The following CHST6 variants were observed in gnomAD, a reference collection of about 807,000 sequenced individuals.
CHST6 encodes carbohydrate sulfotransferase 6.
For missense variants in CHST6, 698 were observed against 586.2 expected, an observed-to-expected ratio of 1.19 and a Z score of -1.97; for synonymous variants, 309 against 276.4, an observed-to-expected ratio of 1.12 and a Z score of -1.17.
chr16:75,490,199 C>CAA (rs2080240509), intron 1 of CHST6, among the ~76,000 whole-genome samples: 1 of 127,898 alleles, frequency 7.8e-6, no homozygotes, highest in Non-Finnish European at 1.5e-5. Flanking sequence ...AAAAAAAAGG[C>CAA]CGGGCACAGT....
chr16:75,490,559 CA>C (rs2080243604), intron 1 of CHST6: 1 of 152,106 alleles, frequency 6.6e-6, no homozygotes, highest in South Asian at 2.1e-4. Flanking sequence ...ACTTTCCATC[CA>C]CCAAGAAGGT....
rs1473968096 is a variant in CHST6 at position 75,479,071 on chromosome 16, G to A, written c.758C>T (p.Ala253Val). The stretch of plus-strand genomic sequence containing the variant: ...TGGCGGCTTGAGTGTGGCGGCCTCG[G>A]CGATGCGTACGTGGCTACGGCACAC... ...REVCRSHVRIAEAATLKPPPF... is the reference protein window; with the variant it reads ...REVCRSHVRIVEAATLKPPPF... Residue 253 changes from alanine (A) to valine (V), a missense_variant, in exon 3 of 3, where the codon GCC (alanine) becomes GTC (valine). Physicochemically the swap from Ala to Val is moderately conservative, Grantham distance 64. Transcript: ENST00000332272. 6.2e-7 allele frequency: 1 copy of A among 1,606,274 alleles called. No homozygotes were observed. Among genetic ancestry groups the A allele is most frequent in the Admixed American group, 1.7e-5 (1 of 59,974 alleles).
rs773368457 is a variant in CHST6 at position 75,478,818 on chromosome 16, C to T, written c.1011G>A (p.Leu337=). 12 of 1,613,442 alleles carry T rather than the reference C, an allele frequency of 7.4e-6. No individual in the cohort carries two copies. The highest frequency in any genetic ancestry group is 1.0e-5 in the Non-Finnish European group (12 of 1,179,976). The change falls in exon 3 of 3, where the codon CTG becomes CTA. Residue 337 remains leucine, a synonymous_variant. Coordinates refer to ENST00000332272, the MANE Select transcript of CHST6 (RefSeq NM_021615.5). ...GCACGCGGCGGATCTTGGCAAAGGG[C>T]AGCGCATGGCGCCAGGCCTGGGAGA... ...LNVSQAWRHA[L]PFAKIRRVQE...
At position 75,495,321 on chromosome 16, in the gene CHST6, G is replaced by C. The variant is rs1337564773; in HGVS notation, c.-473C>G. 7 of 152,534 alleles carry C rather than the reference G, an allele frequency of 4.6e-5. No homozygotes were observed. Among genetic ancestry groups the C allele is most frequent in the Non-Finnish European group, 8.8e-5 (6 of 68,324 alleles). The allele number at this position is 152,534 out of a possible 1,614,324, so 9.4% of individuals were successfully genotyped here. On this transcript the variant is annotated 5_prime_UTR_variant, in exon 1 of 3. Coordinates refer to ENST00000332272, the MANE Select transcript of CHST6 (RefSeq NM_021615.5). ...CGGCGCAGAGCTCCCTCTGGAACCC[G>C]GCACTGCGGCCCGCGCCCTCTACTC...
intron 2 of CHST6, among the ~76,000 whole-genome samples, chr16:75,480,885 G>A (rs1342654401): frequency 9.0e-5 from 13 of 144,662 alleles, no homozygotes; most frequent in African/African-American, 7.9e-5. Flanking sequence ...AGACGAGATC[G>A]CGCCATTGCA....
At chr16:75,486,359 T>C (rs1436155290) in intron 1 of CHST6, among the ~76,000 whole-genome samples, 1 of 152,170 alleles carries the variant, frequency 6.6e-6, no homozygotes, top group Non-Finnish European at 1.5e-5. Flanking sequence ...TCAGTACCCG[T>C]TTTTCCTTCT....
chr16:75,493,103 G>A (rs931093751), intron 1 of CHST6, among the ~76,000 whole-genome samples: 3 of 152,122 alleles, frequency 2.0e-5, no homozygotes, highest in African/African-American at 7.2e-5. Flanking sequence ...AATGGTGTCT[G>A]TCTCATTAAA....
At chr16:75,488,971 G>A (rs547235335) in intron 1 of CHST6, among the ~76,000 whole-genome samples, 7 of 152,140 alleles carry the variant, frequency 4.6e-5, no homozygotes, top group Middle Eastern at 3.4e-3. Context: ...AGGAACCCCT[G>A]CAAACATCAT....
intron 1 of CHST6, among the ~76,000 whole-genome samples, chr16:75,489,587 T>C (rs2080236038): frequency 6.6e-6 from 1 of 151,820 alleles, no homozygotes; most frequent in Non-Finnish European, 1.5e-5. Flanking sequence ...TGTGTGTTCT[T>C]AGATGTGCAT....
rs778522972 is a variant in CHST6, at chr16:75,479,339, C to T, written c.490G>A (p.Ala164Thr). 1.9e-6 allele frequency: 3 copies of T among 1,612,534 alleles called. No individual in the cohort carries two copies. Among genetic ancestry groups the T allele is most frequent in the East Asian group, 2.2e-5 (1 of 44,872 alleles). Residue 164 changes from alanine (A) to threonine (T), a missense_variant, in exon 3 of 3, where the codon GCC becomes ACC. Physicochemically the swap from Ala to Thr is moderately conservative, Grantham distance 58 (BLOSUM62 0). Transcript: ENST00000332272. ...ACCACGTGGCTGTAGGAGCGGCAGGCCTCCCGGGCCAGGGTGAAGGACTGC... is the reference window on the plus strand; with the variant it reads ...ACCACGTGGCTGTAGGAGCGGCAGGTCTCCCGGGCCAGGGTGAAGGACTGC... ...ARQSFTLARE[A>T]CRSYSHVVLK...
At chr16:75,481,760 C>A in intron 2 of CHST6, 57 bp downstream of exon 2, 4 of 467,740 alleles carry the variant, frequency 8.6e-6, no homozygotes, top group South Asian at 6.4e-5. Flanking sequence ...TGGGATGGAG[C>A]CAGAGAAGCA....
At chr16:75,487,086 G>A (rs2080205696) in intron 1 of CHST6, among the ~76,000 whole-genome samples, 2 of 152,320 alleles carry the variant, frequency 1.3e-5, no homozygotes, top group South Asian at 4.1e-4. Context: ...ACTTGCCATT[G>A]CACTCAGATA....
chr16:75,487,216 G>A (rs550705264), intron 1 of CHST6, among the ~76,000 whole-genome samples: 2 of 152,342 alleles, frequency 1.3e-5, no homozygotes, highest in South Asian at 2.1e-4. Context: ...TGGCCTGAGA[G>A]ACCTAGGAAG....
intron 1 of CHST6, among the ~76,000 whole-genome samples, chr16:75,491,892 C>T (rs867667469): frequency 1.8e-4 from 28 of 152,212 alleles, no homozygotes; most frequent in Middle Eastern, 6.8e-3. Context: ...ATGAATTACC[C>T]GCTCTGCACT....
rs1196591254 is a variant in CHST6 at position 75,479,351 on chromosome 16, G to A, written c.478C>T (p.Leu160=). The A allele has an allele frequency of 2.5e-6, 4 of 1,612,818 alleles. No homozygotes were observed. In the South Asian group the frequency reaches 4.4e-5, roughly 18 times the overall value. The change falls in exon 3 of 3, where the codon CTG becomes TTG. Residue 160 remains leucine (L), a synonymous_variant. Coordinates refer to ENST00000332272, the MANE Select transcript of CHST6 (RefSeq NM_021615.5). The part of the protein sequence containing the change: ...KPLCARQSFT[L]AREACRSYSH... The stretch of plus-strand genomic sequence containing the variant: ...TAGGAGCGGCAGGCCTCCCGGGCCA[G>A]GGTGAAGGACTGCCGCGCGCACAGT...
chr16:75,485,593 T>A (rs936260736), intron 1 of CHST6, among the ~76,000 whole-genome samples: 1 of 152,164 alleles, frequency 6.6e-6, no homozygotes, highest in Non-Finnish European at 1.5e-5. Context: ...TAGTTTTCCT[T>A]GGGGCTAATT....
At chr16:75,491,482 G>C (rs2151674086) in intron 1 of CHST6, among the ~76,000 whole-genome samples, 1 of 151,792 alleles carries the variant, frequency 6.6e-6, no homozygotes, top group South Asian at 2.1e-4. Context: ...CCATTCTCCT[G>C]CCTCAGCCTC....
At chr16:75,481,704 G>A (rs2080143779) in intron 2 of CHST6, 113 bp downstream of exon 2, 2 of 396,090 alleles carry the variant, frequency 5.0e-6, no homozygotes, top group Admixed American at 6.1e-5. Context: ...GAGGGAGGAT[G>A]TCCTGGAGCC....
chr16:75,479,899 C>G, intron 2 of CHST6, 55 bp from the exon 3 acceptor site: 1 of 1,455,544 alleles, frequency 6.9e-7, no homozygotes, highest in Non-Finnish European at 9.3e-7. Context: ...CCATCCCGTA[C>G]CCCACTGCCC....
Sources: gnomAD v4.1 joint callset for allele counts (sites outside exome capture counted in the v4.1 genomes callset) on GRCh38, gnomAD v4.1.1 for gene constraint, MANE v1.5 for transcripts, NCBI Gene and HGNC (gene_info 2026-07-23, HGNC 2026-07-21) for gene names.